RNF220: variants seen among roughly 807,000 people sequenced by gnomAD.
RNF220 encodes the protein E3 ubiquitin-protein ligase RNF220.
Under a neutral mutation model 67.1 loss-of-function variants are expected in RNF220, and 7 were observed. The ratio of observed to expected loss-of-function variants is 0.10; its 90% CI spans 0.06 to 0.20. The LOEUF is 0.20. Ranked by LOEUF, RNF220 falls within the 10% of genes least tolerant of loss-of-function variation. The pLI is 1.00. For missense variants in RNF220, 565 were observed against 740.3 expected (o/e 0.76, Z 2.75); for synonymous variants, 270 against 283.2 (o/e 0.95, Z 0.47).
At chr1:44,634,175 A>G (rs1055039798) in intron 6 of RNF220, among the ~76,000 whole-genome samples, 1 of 152,204 alleles carries the variant, frequency 6.6e-6, no homozygotes, top group Non-Finnish European at 1.5e-5. Flanking sequence ...TAGCACACTC[A>G]CTGGGACCAG....
chr1:44,538,948 C>T (rs1281943114), intron 2 of RNF220, among the ~76,000 whole-genome samples: 2 of 145,602 alleles, frequency 1.4e-5, no homozygotes, highest in South Asian at 4.4e-4. Flanking sequence ...AGGCTGGGCG[C>T]GGTGGATCAT....
chr1:44,509,261 G>A (rs1367092050), intron 2 of RNF220, among the ~76,000 whole-genome samples: 1 of 152,130 alleles, frequency 6.6e-6, no homozygotes, highest in Admixed American at 6.5e-5. Flanking sequence ...TAGAAAATAG[G>A]CATAGGCAGC....
At position 44,538,547 on chromosome 1, in the gene RNF220, T is replaced by C. The variant is rs557784927; in HGVS notation, c.626-75618T>C. Among the ~76,000 whole-genome samples the C allele has an allele frequency of 2.6e-5, 4 of 152,354 alleles. No individual in the cohort carries two copies. In the East Asian group the frequency reaches 7.7e-4, roughly 29 times the overall value. On this transcript the variant is annotated intron_variant, in intron 2 of 14. Transcript: ENST00000361799. ...TAACAACCTCGGAATTGCCAAATTC[T>C]GTGGACATGTTTCTGTCTTTGTCTG...
intron 2 of RNF220, among the ~76,000 whole-genome samples, chr1:44,518,335 G>A (rs963633041): frequency 6.6e-6 from 1 of 152,266 alleles, no homozygotes; most frequent in Non-Finnish European, 1.5e-5. Context: ...TGAGATAGGA[G>A]GATCGCTTGA....
intron 2 of RNF220, among the ~76,000 whole-genome samples, chr1:44,541,720 G>A (rs76019245): frequency 2.4e-4 from 37 of 152,188 alleles, no homozygotes; most frequent in Admixed American, 6.5e-4. Context: ...AGCCCAGGGC[G>A]CTGCAGAGCA....
At chr1:44,601,830 T>C (rs1422870124) in intron 2 of RNF220, among the ~76,000 whole-genome samples, 1 of 152,202 alleles carries the variant, frequency 6.6e-6, no homozygotes, top group East Asian at 1.9e-4. Context: ...TGAATTTTTA[T>C]TGGCACATAT....
intron 2 of RNF220, among the ~76,000 whole-genome samples, chr1:44,538,914 T>TCTAA (rs1661450138): frequency 1.1e-5 from 1 of 94,008 alleles, no homozygotes; most frequent in African/African-American, 5.3e-5. Flanking sequence ...AGACTCCATC[T>TCTAA]AGGGAAAAAA....
In RNF220 at chr1:44,645,273, G is replaced by C. The variant is rs777752610; in HGVS notation, c.1363G>C (p.Asp455His). The C allele has an allele frequency of 6.2e-7, 1 of 1,613,996 alleles. No homozygotes were observed. Among genetic ancestry groups the C allele is most frequent in the African/African-American group, 1.3e-5 (1 of 74,902 alleles). The change falls in exon 11 of 15, where the codon GAT becomes CAT. Residue 455 changes from aspartate to histidine, a missense_variant. Physicochemically the swap from Asp to His is moderately conservative, Grantham distance 81. Coordinates refer to ENST00000361799, the MANE Select transcript of RNF220 (RefSeq NM_018150.4). The surrounding 1 kb of genome is among the most constrained non-coding windows in gnomAD (Gnocchi z 5.0). ...ACCTGAGTTCTCTAAATGGGCCAGTGATGGTAAGTCCTGCCCCAGGTTAGG... is the reference window on the plus strand; with the variant it reads ...ACCTGAGTTCTCTAAATGGGCCAGTCATGGTAAGTCCTGCCCCAGGTTAGG... ...ITPEFSKWAS[D>H]EMPSTSNGES... is the part of the protein sequence containing the mutation.
At chr1:44,505,455 G>A (rs553027408) in intron 2 of RNF220, among the ~76,000 whole-genome samples, 5 of 152,242 alleles carry the variant, frequency 3.3e-5, no homozygotes, top group Admixed American at 3.3e-4. Context: ...CTCTGGACAG[G>A]TTGCAGTCAG....
intron 4 of RNF220, among the ~76,000 whole-genome samples, chr1:44,623,222 C>CGT (rs141543599): frequency 1.3e-5 from 2 of 151,814 alleles, no homozygotes; most frequent in South Asian, 2.1e-4. Flanking sequence ...CAGGTGTGTG[C>CGT]GTGTGTGTGT....
At chr1:44,566,372 G>T (rs1419372311) in intron 2 of RNF220, among the ~76,000 whole-genome samples, 1 of 152,130 alleles carries the variant, frequency 6.6e-6, no homozygotes. Context: ...GCGGAGGGAG[G>T]GGGTGAATGA....
intron 2 of RNF220, among the ~76,000 whole-genome samples, chr1:44,445,538 C>T (rs1422078514): frequency 6.6e-6 from 1 of 152,028 alleles, no homozygotes; most frequent in Non-Finnish European, 1.5e-5. Context: ...CTGTAACCCC[C>T]ATCTCTACCA....
chr1:44,518,262 T>C (rs189579047), intron 2 of RNF220, among the ~76,000 whole-genome samples: 2 of 151,558 alleles, frequency 1.3e-5, no homozygotes, highest in Non-Finnish European at 2.9e-5. Flanking sequence ...CCCATCTCTA[T>C]AAAAAATAAA....
intron 2 of RNF220, among the ~76,000 whole-genome samples, chr1:44,510,604 C>G (rs370947531): frequency 6.6e-6 from 1 of 152,186 alleles, no homozygotes; most frequent in East Asian, 1.9e-4. Context: ...CTCAAAGAAG[C>G]CTTTCTGTCC....
At chr1:44,631,176 G>C (rs894900246) in intron 5 of RNF220, among the ~76,000 whole-genome samples, 7 of 152,222 alleles carry the variant, frequency 4.6e-5, no homozygotes, top group African/African-American at 1.7e-4. Flanking sequence ...CCCTGAAGTG[G>C]TCAGTCCACT....
chr1:44,551,850 A>G (rs1662663933), intron 2 of RNF220, among the ~76,000 whole-genome samples: 1 of 152,146 alleles, frequency 6.6e-6, no homozygotes, highest in Non-Finnish European at 1.5e-5. Flanking sequence ...TGCTGCATAA[A>G]CTGAACACCT....
chr1:44,579,095 G>GTA (rs1341576096), intron 2 of RNF220, among the ~76,000 whole-genome samples: 1 of 151,774 alleles, frequency 6.6e-6, no homozygotes, highest in East Asian at 1.9e-4. Context: ...GGCAGTGGTT[G>GTA]TAGTGAGCCG....
At chr1:44,538,957 A>G (rs1661458444) in intron 2 of RNF220, among the ~76,000 whole-genome samples, 1 of 146,128 alleles carries the variant, frequency 6.8e-6, no homozygotes, top group Non-Finnish European at 1.5e-5. Flanking sequence ...GCGGTGGATC[A>G]TGCCTATAAT....
chr1:44,554,433 CT>C (rs2148268194), intron 2 of RNF220, among the ~76,000 whole-genome samples: 1 of 152,144 alleles, frequency 6.6e-6, no homozygotes, highest in African/African-American at 2.4e-5. Context: ...GGATCCCAAG[CT>C]GAGACAGAAT....
Sources: gnomAD v4.1 joint callset for allele counts (sites outside exome capture counted in the v4.1 genomes callset) on GRCh38, gnomAD v4.1.1 for gene constraint, Gnocchi (gnomAD v3.1) non-coding constraint, MANE v1.5 for transcripts, NCBI Gene and HGNC (gene_info 2026-07-23, HGNC 2026-07-21) for gene names.